GALNT10: variants seen among roughly 807,000 people sequenced by gnomAD.
GALNT10 encodes the protein polypeptide N-acetylgalactosaminyltransferase 10.
GALNT10 carries 41 observed loss-of-function variants against 75.0 expected under a neutral mutation model. The observed-to-expected ratio is 0.55, with a 90% confidence interval of 0.43 to 0.71. The LOEUF (loss-of-function observed/expected upper bound fraction) is 0.71, where lower values mean the gene tolerates loss of function less well. Ranked by LOEUF, GALNT10 falls within the 30% of genes least tolerant of loss-of-function variation. The pLI is 0.00. For synonymous variants in GALNT10, 302 were observed against 313.0 expected (o/e 0.96, Z 0.37); for missense variants, 727 against 818.5 (o/e 0.89, Z 1.36).
intron 4 of GALNT10, among the ~76,000 whole-genome samples, chr5:154,366,617 A>G (rs1235115462): frequency 6.6e-6 from 1 of 152,150 alleles, no homozygotes; most frequent in Non-Finnish European, 1.5e-5. Context: ...AAAAGCTCCA[A>G]TACACACCTT....
At chr5:154,255,806 C>T (rs1468235451) in intron 1 of GALNT10, among the ~76,000 whole-genome samples, 1 of 151,960 alleles carries the variant, frequency 6.6e-6, no homozygotes, top group Non-Finnish European at 1.5e-5. Context: ...TATCACAAAA[C>T]CTAACCTTAC....
chr5:154,287,946 ATG>A (rs746989563), intron 1 of GALNT10, among the ~76,000 whole-genome samples: 10 of 96,660 alleles, frequency 1.0e-4, no homozygotes, highest in Admixed American at 2.8e-4. Context: ...ATGTGTGTGC[ATG>A]TGTGTGTGTG....
chr5:154,264,211 G>A (rs1753744562), intron 1 of GALNT10, among the ~76,000 whole-genome samples: 1 of 151,616 alleles, frequency 6.6e-6, no homozygotes. Context: ...TACTTGGAAG[G>A]TGGAGGCATG....
intron 4 of GALNT10, among the ~76,000 whole-genome samples, chr5:154,374,353 T>C (rs571227711): frequency 6.6e-6 from 1 of 152,298 alleles, no homozygotes; most frequent in East Asian, 1.9e-4. Flanking sequence ...TATTCTAATT[T>C]CTCCTGCCTA....
rs193016088 is a variant in GALNT10, at chr5:154,344,373, G to A, written c.568+14635G>A. Reference sequence around the variant, plus strand: ...ATTACAGGCGCGCACCACCATGCCCGGCTAATTTTTGCATTTTTAATAGAA... The same window carrying A: ...ATTACAGGCGCGCACCACCATGCCCAGCTAATTTTTGCATTTTTAATAGAA... On this transcript the variant is annotated intron_variant, in intron 4 of 11. Coordinates refer to ENST00000297107, the MANE Select transcript of GALNT10 (RefSeq NM_198321.4). Among the ~76,000 whole-genome samples the A allele has an allele frequency of 3.3e-5, 5 of 151,820 alleles. No individual in the cohort carries two copies. The East Asian group carries it at 5.8e-4, about 18-fold the overall frequency.
chr5:154,418,473 C>T lies in GALNT10; in HGVS notation c.*1501C>T, dbSNP rs1227630029. 6.6e-6 allele frequency: 1 copy of T among 152,244 alleles called. No individual in the cohort carries two copies. Among genetic ancestry groups the T allele is most frequent in the Non-Finnish European group, 1.5e-5 (1 of 68,040 alleles). 9.4% of individuals were successfully genotyped at this position (152,244 alleles called of 1,614,324 possible). A position where few individuals can be genotyped will look rare whatever the true frequency, so the allele number is the denominator to read the frequency against. Reference sequence around the variant, plus strand: ...CACCCACTGATTCAGAAATGGAAATCACATTCCACAATCTATGGCTTCCAC... The same window carrying T: ...CACCCACTGATTCAGAAATGGAAATTACATTCCACAATCTATGGCTTCCAC... On this transcript the variant is annotated 3_prime_UTR_variant, in exon 12 of 12. Transcript: ENST00000297107.
At chr5:154,198,303 C>T (rs932838489) in intron 1 of GALNT10, among the ~76,000 whole-genome samples, 2 of 152,214 alleles carry the variant, frequency 1.3e-5, no homozygotes, top group African/African-American at 4.8e-5. Context: ...CTTGAGGGTT[C>T]AGTGAGTCAC....
intron 1 of GALNT10, among the ~76,000 whole-genome samples, chr5:154,262,584 G>T (rs1581944981): frequency 6.6e-6 from 1 of 152,258 alleles, no homozygotes; most frequent in East Asian, 1.9e-4. Context: ...CTCCACCTCA[G>T]TCTGACCTGC....
At position 154,376,309 on chromosome 5, in the gene GALNT10, G is replaced by A; in HGVS notation, c.601G>A (p.Ala201Thr). 2 of 1,612,718 alleles carry A rather than the reference G, an allele frequency of 1.2e-6. No homozygotes were observed. Among genetic ancestry groups the A allele is most frequent in the Non-Finnish European group, 1.7e-6 (2 of 1,179,092 alleles). ...HLKKPLEDYMALFPSVRILRT... is the reference protein window; with the variant it reads ...HLKKPLEDYMTLFPSVRILRT... ...GAAGAAGCCTCTTGAAGACTACATG[G>A]CCCTTTTCCCCAGTGTGAGGATTCT... The change falls in exon 5 of 12, where the codon GCC (alanine) becomes ACC (threonine). Residue 201 changes from alanine to threonine, a missense_variant. Transcript: ENST00000297107. This position sits in a 1 kb window ranked among gnomAD's most constrained non-coding sequence, Gnocchi z 4.1.
At chr5:154,358,077 A>G (rs1755323571) in intron 4 of GALNT10, among the ~76,000 whole-genome samples, 1 of 152,136 alleles carries the variant, frequency 6.6e-6, no homozygotes, top group South Asian at 2.1e-4. Context: ...TGGTACCTCT[A>G]CCCGGCAGTT....
At chr5:154,323,903 C>T (rs1754713947) in intron 3 of GALNT10, among the ~76,000 whole-genome samples, 1 of 152,198 alleles carries the variant, frequency 6.6e-6, no homozygotes, top group Admixed American at 6.5e-5. Context: ...ACTGGGAATT[C>T]CACCTTCTCC....
In GALNT10 at chr5:154,378,102, T is replaced by C. The variant is rs982961342; in HGVS notation, c.754+1640T>C. Reference sequence around the variant, plus strand: ...TTGTTGTTGTTGTTTTGTTTTTTGCTTCTTCCAATAGAAATGTGAACCAGT... The same window carrying C: ...TTGTTGTTGTTGTTTTGTTTTTTGCCTCTTCCAATAGAAATGTGAACCAGT... On this transcript the variant is annotated intron_variant, in intron 5 of 11. Coordinates refer to ENST00000297107, the MANE Select transcript of GALNT10 (RefSeq NM_198321.4). Among the ~76,000 whole-genome samples, 16 of 152,230 alleles carry C rather than the reference T, an allele frequency of 1.1e-4. 1 individual carries two copies. Among genetic ancestry groups the C allele is most frequent in the Admixed American group, 8.5e-4 (13 of 15,282 alleles).
chr5:154,271,185 G>A (rs72808629), intron 1 of GALNT10, among the ~76,000 whole-genome samples: 1 of 149,244 alleles, frequency 6.7e-6, no homozygotes, highest in Non-Finnish European at 1.5e-5. Flanking sequence ...TGCTGTAAGG[G>A]TTTAATAATA....
chr5:154,323,323 G>A (rs932722399), intron 3 of GALNT10, among the ~76,000 whole-genome samples: 9 of 151,876 alleles, frequency 5.9e-5, no homozygotes, highest in Middle Eastern at 6.8e-3. Flanking sequence ...AGTGAGCTAC[G>A]ATTGCACCAC....
In GALNT10 at chr5:154,292,244, G is replaced by A. The variant is rs539966818; in HGVS notation, c.160-2572G>A. Among the ~76,000 whole-genome samples, 13 of 152,214 alleles carry A rather than the reference G, an allele frequency of 8.5e-5. No homozygotes were observed. In the East Asian group the frequency reaches 2.1e-3, roughly 25 times the overall value. On this transcript the variant is annotated intron_variant, in intron 1 of 11. Transcript: ENST00000297107. ...CCTCAGCGTGTATCAGAATCTCTTC[G>A]AGAGCTTGCTAAAACACGGATTGCT...
intron 1 of GALNT10, among the ~76,000 whole-genome samples, chr5:154,245,898 G>T (rs1365595898): frequency 6.6e-6 from 1 of 150,622 alleles, no homozygotes; most frequent in African/African-American, 2.5e-5. Flanking sequence ...ATGTTGGTGT[G>T]CTGCACCCAT....
At chr5:154,280,062 G>T (rs1375659329) in intron 1 of GALNT10, among the ~76,000 whole-genome samples, 3 of 152,112 alleles carry the variant, frequency 2.0e-5, no homozygotes, top group South Asian at 4.1e-4. Context: ...ATACAAAATA[G>T]AATATTTTTC....
intron 1 of GALNT10, among the ~76,000 whole-genome samples, chr5:154,252,978 GT>G (rs1753547938): frequency 1.2e-5 from 1 of 83,766 alleles, no homozygotes; most frequent in East Asian, 3.8e-4. Context: ...TTTTTTGTTT[GT>G]TTGGTTGGTT....
chr5:154,224,451 T>C (rs1753030237), intron 1 of GALNT10, among the ~76,000 whole-genome samples: 1 of 152,236 alleles, frequency 6.6e-6, no homozygotes, highest in South Asian at 2.1e-4. Context: ...TTCATTGCTC[T>C]CAGACGTAAC....
Sources: allele counts gnomAD v4.1 joint callset (sites outside exome capture counted in the v4.1 genomes callset), GRCh38; gene constraint gnomAD v4.1.1; non-coding constraint Gnocchi (gnomAD v3.1); transcripts MANE v1.5; gene names NCBI Gene and HGNC (gene_info 2026-07-23, HGNC 2026-07-21).